Variants in IMPG1 observed in about 807,000 individuals in gnomAD.
IMPG1 encodes the protein interphotoreceptor matrix proteoglycan of 150 kDa.
Under a neutral mutation model 92.0 loss-of-function variants are expected in IMPG1, and 85 were observed. The observed-to-expected ratio is 0.92, with a 90% confidence interval of 0.78 to 1.11. IMPG1 has a LOEUF of 1.11. Among genes scored for constraint, IMPG1 ranks in the 50% least tolerant of loss-of-function variants. The pLI is 0.00. For missense variants in IMPG1, 1,022 were observed against 956.0 expected (o/e 1.07, Z -0.91); for synonymous variants, 367 against 334.1 (o/e 1.10, Z -1.08).
chr6:76,032,005 G>A (rs566423022), intron 4 of IMPG1, among the ~76,000 whole-genome samples: 4 of 152,334 alleles, frequency 2.6e-5, no homozygotes, highest in Non-Finnish European at 4.4e-5. Context: ...GCAGACTTAC[G>A]GGTTAGTCAG....
At chr6:75,932,244 G>A (rs55814738) in intron 14 of IMPG1, among the ~76,000 whole-genome samples, 28,078 of 152,204 alleles carry the variant, frequency 0.18, 3,234 homozygotes, top group Non-Finnish European at 0.27. Flanking sequence ...GAAGGGCAGA[G>A]CCCCAAGGGG....
intron 12 of IMPG1, among the ~76,000 whole-genome samples, chr6:75,953,223 G>A (rs1048438317): frequency 1.3e-5 from 2 of 152,110 alleles, no homozygotes; most frequent in Non-Finnish European, 2.9e-5. Flanking sequence ...TCTACATTAT[G>A]TCATCAATCA....
intron 12 of IMPG1, among the ~76,000 whole-genome samples, chr6:75,999,944 C>G (rs1300660304): frequency 6.6e-6 from 1 of 152,212 alleles, no homozygotes; most frequent in African/African-American, 2.4e-5. Flanking sequence ...CTTTGGCATT[C>G]ATTGCACATG....
chr6:75,928,749 AT>A (rs937213844), intron 15 of IMPG1: 1 of 152,160 alleles, frequency 6.6e-6, no homozygotes, highest in Non-Finnish European at 1.5e-5. Context: ...TTTATTATGA[AT>A]TTACTTACAT....
chr6:75,973,543 A>G (rs1354708961), intron 12 of IMPG1, among the ~76,000 whole-genome samples: 2 of 152,174 alleles, frequency 1.3e-5, no homozygotes, highest in African/African-American at 2.4e-5. Context: ...TATTAACCCA[A>G]TCTTCACAAG....
intron 1 of IMPG1, among the ~76,000 whole-genome samples, chr6:76,058,840 G>A (rs77459068): frequency 3.8e-3 from 583 of 152,292 alleles, no homozygotes; most frequent in Non-Finnish European, 6.2e-3. Context: ...TGTAGGCTCA[G>A]GAATGAGAGT....
chr6:76,042,579 T>C (rs891118857), intron 1 of IMPG1, among the ~76,000 whole-genome samples: 2 of 152,172 alleles, frequency 1.3e-5, no homozygotes, highest in African/African-American at 4.8e-5. Context: ...ATAACCTTCC[T>C]GCCTATTAGT....
At chr6:75,930,184 C>G (rs963528486) in intron 15 of IMPG1, among the ~76,000 whole-genome samples, 3 of 152,128 alleles carry the variant, frequency 2.0e-5, no homozygotes, top group Admixed American at 6.5e-5. Flanking sequence ...GCTTCTCTTA[C>G]CCTTTCTGTC....
chr6:76,060,781 C>CA (rs1784192122), intron 1 of IMPG1, among the ~76,000 whole-genome samples: 1 of 152,090 alleles, frequency 6.6e-6, no homozygotes, highest in Non-Finnish European at 1.5e-5. Context: ...TACCCTTAAG[C>CA]AAGAAGGGGC....
intron 1 of IMPG1, among the ~76,000 whole-genome samples, chr6:76,067,453 C>T (rs934464096): frequency 6.6e-6 from 1 of 152,028 alleles, no homozygotes; most frequent in Non-Finnish European, 1.5e-5. Context: ...TGGATAGATT[C>T]CTGGAGACAT....
chr6:75,953,145 T>C (rs1177841115), intron 12 of IMPG1, among the ~76,000 whole-genome samples: 1 of 152,216 alleles, frequency 6.6e-6, no homozygotes, highest in Non-Finnish European at 1.5e-5. Context: ...TTCATTTTGC[T>C]CTTTCACCAG....
intron 12 of IMPG1, among the ~76,000 whole-genome samples, chr6:75,973,246 T>C (rs531605193): frequency 3.8e-4 from 57 of 151,910 alleles, no homozygotes; most frequent in East Asian, 9.8e-4. Flanking sequence ...TCCCAAAGTG[T>C]CCGGATTACA....
intron 14 of IMPG1, among the ~76,000 whole-genome samples, chr6:75,935,804 G>A (rs1404937514): frequency 6.6e-6 from 1 of 152,154 alleles, no homozygotes; most frequent in South Asian, 2.1e-4. Flanking sequence ...ACGAAGTTAA[G>A]GTATAATTTT....
In IMPG1 at chr6:76,034,742, C is replaced by T. The variant is rs376461756; in HGVS notation, c.347G>A (p.Arg116His). The T allele has an allele frequency of 1.0e-4, 169 of 1,613,990 alleles. 2 individuals are homozygous for T. The highest frequency in any genetic ancestry group is 4.7e-4 in the South Asian group (43 of 91,072). Residue 116 changes from arginine to histidine, a missense_variant, in exon 3 of 17, where the codon CGC becomes CAC. This residue lies in a region of IMPG1 where 681 missense variants were observed against 583.6 expected (regional missense o/e 1.17). Coordinates refer to ENST00000369950, the MANE Select transcript of IMPG1 (RefSeq NM_001563.4). ...VWEAYRIFLD[R>H]IPDTGEYQDW... ...CTGATATTCCCCTGTGTCAGGGATG[C>T]GATCCAGAAAGATCCGATATGCTTC...
At chr6:75,943,977 T>C (rs1359982749) in intron 14 of IMPG1, among the ~76,000 whole-genome samples, 1 of 152,242 alleles carries the variant, frequency 6.6e-6, no homozygotes, top group African/African-American at 2.4e-5. Flanking sequence ...CCTTTTCTAC[T>C]ACAGTGCAAA....
intron 9 of IMPG1, among the ~76,000 whole-genome samples, chr6:76,006,053 C>G (rs1275771187): frequency 6.6e-6 from 1 of 152,038 alleles, no homozygotes; most frequent in African/African-American, 2.4e-5. Context: ...TGGTTTCAAA[C>G]TCATGGCTCA....
intron 12 of IMPG1, among the ~76,000 whole-genome samples, chr6:75,951,306 C>T (rs570485012): frequency 1.6e-4 from 24 of 151,896 alleles, no homozygotes; most frequent in African/African-American, 5.6e-4. Context: ...AAGAGTGGAT[C>T]CCTGTACCCA....
In IMPG1 at chr6:76,051,732, T is replaced by A. The variant is rs1183041813; in HGVS notation, c.68-9606A>T. 3.3e-5 allele frequency among the ~76,000 whole-genome samples: 5 copies of A among 152,190 alleles called. No individual in the cohort carries two copies. In the East Asian group the frequency reaches 9.6e-4, roughly 29 times the overall value. On this transcript the variant is annotated intron_variant, in intron 1 of 16. Coordinates refer to ENST00000369950, the MANE Select transcript of IMPG1 (RefSeq NM_001563.4). ...TCACTGTCTTTTTTACCTCCCAAAC[T>A]GGCATTTGTTCAGCAGCAGTAATCC...
intron 8 of IMPG1, among the ~76,000 whole-genome samples, chr6:76,010,070 T>C (rs1169459848): frequency 3.3e-5 from 5 of 152,262 alleles, no homozygotes; most frequent in Non-Finnish European, 7.3e-5. Flanking sequence ...GGTTTCATCT[T>C]TTATAACTTT....
Sources: allele counts gnomAD v4.1 joint callset (sites outside exome capture counted in the v4.1 genomes callset), GRCh38; gene constraint gnomAD v4.1.1; regional missense constraint gnomAD v4.1.1; transcripts MANE v1.5; gene names NCBI Gene and HGNC (gene_info 2026-07-23, HGNC 2026-07-21).